ADCY7: variants seen among roughly 807,000 people sequenced by gnomAD.
The protein encoded by ADCY7 is adenylate cyclase 7.
Under a neutral mutation model 120.6 loss-of-function variants are expected in ADCY7, and 72 were observed. The observed-to-expected ratio is 0.60, with a 90% CI of 0.49 to 0.73. The LOEUF (loss-of-function observed/expected upper bound fraction) is 0.73, where lower values mean the gene tolerates loss of function less well. ADCY7 is among the 30% of genes least tolerant of loss of function. The pLI is 0.00. For synonymous variants in ADCY7, 661 were observed against 628.0 expected (o/e 1.05, Z -0.78); for missense variants, 1,227 against 1,486.0 (o/e 0.83, Z 2.87).
chr16:50,264,575 C>G (rs2033140189), upstream of ADCY7, among the ~76,000 whole-genome samples: 1 of 152,190 alleles, frequency 6.6e-6, no homozygotes, highest in Non-Finnish European at 1.5e-5. Flanking sequence ...ATTTTACATT[C>G]CCACTAGCAG....
At chr16:50,310,336 A>T in intron 18 of ADCY7, 2 of 871,230 alleles carry the variant, frequency 2.3e-6, no homozygotes, top group Non-Finnish European at 3.6e-6. Flanking sequence ...GAGCCACAGC[A>T]CAATCTTGAG....
intron 6 of ADCY7, among the ~76,000 whole-genome samples, chr16:50,293,904 T>C (rs1373199001): frequency 6.6e-6 from 1 of 152,200 alleles, no homozygotes; most frequent in Non-Finnish European, 1.5e-5. Context: ...TGTCTTTGGC[T>C]GATTTGCAGG....
intron 1 of ADCY7, among the ~76,000 whole-genome samples, chr16:50,252,673 G>C (rs2032794557): frequency 6.6e-6 from 1 of 152,198 alleles, no homozygotes; most frequent in African/African-American, 2.4e-5. Context: ...GAGGTCCCAT[G>C]ACCAAGCAAT....
upstream of ADCY7, among the ~76,000 whole-genome samples, chr16:50,263,874 C>T (rs1039097572): frequency 6.6e-6 from 1 of 152,148 alleles, no homozygotes; most frequent in Admixed American, 6.5e-5. Flanking sequence ...ATCAGCCTCT[C>T]GCCCACTGGG....
intron 1 of ADCY7, among the ~76,000 whole-genome samples, chr16:50,283,908 C>A (rs368992879): frequency 1.3e-5 from 2 of 152,156 alleles, no homozygotes; most frequent in African/African-American, 4.8e-5. Flanking sequence ...GGTGAGCCCC[C>A]CCGTCATGGA....
intron 20 of ADCY7, 54 bp downstream of exon 20, chr16:50,311,840 T>G: frequency 3.1e-5 from 32 of 1,047,896 alleles, no homozygotes; most frequent in Non-Finnish European, 3.8e-5. Flanking sequence ...TTTCCTCACC[T>G]CCATCTGGAG....
chr16:50,246,564 AG>A (rs1056868433), intron 1 of ADCY7, among the ~76,000 whole-genome samples: 4 of 152,088 alleles, frequency 2.6e-5, no homozygotes, highest in African/African-American at 7.2e-5. Flanking sequence ...AGGGCACAGA[AG>A]GGGGCTGGCT....
chr16:50,314,432 G>T, intron 24 of ADCY7, 26 bp downstream of exon 24: 1 of 1,589,844 alleles, frequency 6.3e-7, no homozygotes, highest in Non-Finnish European at 8.6e-7. Context: ...GGAGCGGGGT[G>T]GGGAGCCCCT....
chr16:50,288,189 A>C lies in ADCY7; in HGVS notation c.10A>C (p.Lys4Gln). Residue 4 changes from lysine (K) to glutamine (Q), a missense_variant, in exon 2 of 26, where the codon AAG becomes CAG. This residue lies in a region of ADCY7 where 382 missense variants were observed against 411.4 expected (regional missense o/e 0.93). Transcript: ENST00000673801. ...GTGCCAAGGGTGGAGGATGCCAGCCAAGGGGCGCTACTTCCTCAACGAGGG... is the reference window on the plus strand; with the variant it reads ...GTGCCAAGGGTGGAGGATGCCAGCCCAGGGGCGCTACTTCCTCAACGAGGG... MPA[K>Q]GRYFLNEGEE... 6.5e-7 allele frequency: 1 copy of C among 1,549,268 alleles called. No homozygotes were observed.
chr16:50,262,394 A>G (rs1054532290), upstream of ADCY7, among the ~76,000 whole-genome samples: 1 of 151,472 alleles, frequency 6.6e-6, no homozygotes, highest in Non-Finnish European at 1.5e-5. Flanking sequence ...AGTAGCTGGG[A>G]TTCAGGTGCC....
chr16:50,284,241 G>A (rs930945576), intron 1 of ADCY7, among the ~76,000 whole-genome samples: 3 of 152,156 alleles, frequency 2.0e-5, no homozygotes, highest in Non-Finnish European at 4.4e-5. Flanking sequence ...ACGGTGCCCG[G>A]CTTGTTCCAG....
At chr16:50,279,765 A>T (rs376145451) in intron 1 of ADCY7, 1 of 152,246 alleles carries the variant, frequency 6.6e-6, no homozygotes, top group Non-Finnish European at 1.5e-5. Flanking sequence ...GGCATGAGAC[A>T]TAGTGGACCT....
At chr16:50,300,922 T>C (rs1596949120) in intron 9 of ADCY7, 49 bp downstream of exon 9, 1 of 1,530,626 alleles carries the variant, frequency 6.5e-7, no homozygotes, top group South Asian at 1.2e-5. Context: ...GGGCTGGCTG[T>C]GGATGGAGGG....
chr16:50,284,017 G>A (rs1356701243), intron 1 of ADCY7, among the ~76,000 whole-genome samples: 1 of 152,194 alleles, frequency 6.6e-6, no homozygotes, highest in Non-Finnish European at 1.5e-5. Flanking sequence ...GCCTTGTGGG[G>A]AGGCCCTCCC....
Position 50,317,316 on chromosome 16 carries a change from T to G in ADCY7, c.*1811T>G, listed in dbSNP as rs566156219. ...TTTTTACACACCAAAACTTTTTACA[T>G]GAAGGGCTGGTTTCACATGAATACT... On this transcript the variant is annotated 3_prime_UTR_variant, in exon 26 of 26. Coordinates refer to ENST00000673801, the MANE Select transcript of ADCY7 (RefSeq NM_001114.5). The G allele has an allele frequency of 2.0e-5, 3 of 152,554 alleles. No individual in the cohort carries two copies. The highest frequency in any genetic ancestry group is 2.1e-4 in the South Asian group (1 of 4,828). The allele number at this position is 152,554 out of a possible 1,614,324, so 9.5% of individuals were successfully genotyped here.
chr16:50,289,061 G>A (rs771842635), intron 2 of ADCY7, among the ~76,000 whole-genome samples: 1 of 152,134 alleles, frequency 6.6e-6, no homozygotes, highest in Non-Finnish European at 1.5e-5. Flanking sequence ...GATGAAATTC[G>A]ATTCTACTGA....
chr16:50,294,724 C>T lies in ADCY7; in HGVS notation c.921C>T (p.Leu307=). The change falls in exon 7 of 26, where the codon CTC becomes CTT. Residue 307 remains leucine, a synonymous_variant. Coordinates refer to ENST00000673801, the MANE Select transcript of ADCY7 (RefSeq NM_001114.5). ...PKELVVVLNE[L]FGKFDQIAKA... is the part of the protein sequence containing the mutation. Reference sequence around the variant, plus strand: ...AGCTGGTGGTGGTGCTGAATGAGCTCTTTGGCAAGTTCGACCAGATCGCCA... The same window carrying T: ...AGCTGGTGGTGGTGCTGAATGAGCTTTTTGGCAAGTTCGACCAGATCGCCA... 1 of 1,613,270 alleles carries T rather than the reference C, an allele frequency of 6.2e-7. No homozygotes were observed. The highest frequency in any genetic ancestry group is 8.5e-7 in the Non-Finnish European group (1 of 1,179,506).
upstream of ADCY7, among the ~76,000 whole-genome samples, chr16:50,263,632 C>A (rs2033115713): frequency 6.6e-6 from 1 of 152,126 alleles, no homozygotes; most frequent in Admixed American, 6.5e-5. Context: ...TCCCAGCAGG[C>A]AGTGGGGAAC....
At chr16:50,247,243 A>T (rs1358551367) in intron 1 of ADCY7, among the ~76,000 whole-genome samples, 1 of 151,990 alleles carries the variant, frequency 6.6e-6, no homozygotes, top group Admixed American at 6.6e-5. Flanking sequence ...GGAGCTGGGG[A>T]CAGGCTGTGG....
Sources: allele counts gnomAD v4.1 joint callset (sites outside exome capture counted in the v4.1 genomes callset), GRCh38; gene constraint gnomAD v4.1.1; regional missense constraint gnomAD v4.1.1; transcripts MANE v1.5; gene names NCBI Gene and HGNC (gene_info 2026-07-23, HGNC 2026-07-21).